Variants in TBL1XR1 observed in about 807,000 individuals in gnomAD.
The protein encoded by TBL1XR1 is TBL1X/Y related 1.
A neutral mutation model predicts 66.9 loss-of-function variants in TBL1XR1; 5 were observed. The observed-to-expected ratio is 0.07, with a 90% confidence interval of 0.04 to 0.16. The LOEUF (loss-of-function observed/expected upper bound fraction) is 0.16, where lower values mean the gene tolerates loss of function less well. TBL1XR1 is among the 10% of genes least tolerant of loss of function. The pLI is 1.00. For synonymous variants in TBL1XR1, 210 were observed against 206.0 expected, an observed-to-expected ratio of 1.02 and a Z score of -0.17; for missense variants, 238 against 623.2, an observed-to-expected ratio of 0.38 and a Z score of 6.58.
chr3:177,122,752 T>C (rs1727128984), intron 1 of TBL1XR1, among the ~76,000 whole-genome samples: 1 of 152,102 alleles, frequency 6.6e-6, no homozygotes, highest in African/African-American at 2.4e-5. Context: ...GCACAGAAGA[T>C]CACATAAGTG....
chr3:177,051,427 A>G, intron 5 of TBL1XR1, 77 bp downstream of exon 5: 3 of 1,348,786 alleles, frequency 2.2e-6, no homozygotes, highest in Non-Finnish European at 3.0e-6. Context: ...AAACCTGCAC[A>G]TGTACCCCGA....
intron 1 of TBL1XR1, among the ~76,000 whole-genome samples, chr3:177,158,129 T>G (rs1353665907): frequency 6.7e-6 from 1 of 149,810 alleles, no homozygotes; most frequent in East Asian, 1.9e-4. Flanking sequence ...ACTGGATAGT[T>G]TTTATAACAT....
At chr3:177,154,403 T>TC (rs2108864194) in intron 1 of TBL1XR1, among the ~76,000 whole-genome samples, 1 of 47,314 alleles carries the variant, frequency 2.1e-5, no homozygotes, top group Non-Finnish European at 7.9e-5. Flanking sequence ...TTGACAAACT[T>TC]TTTTTTTTTT....
chr3:177,041,747 T>C (rs1395641913), intron 10 of TBL1XR1, among the ~76,000 whole-genome samples: 1 of 152,172 alleles, frequency 6.6e-6, no homozygotes, highest in Non-Finnish European at 1.5e-5. Flanking sequence ...TATTGTAAGT[T>C]ATGTCCCGGG....
Position 177,186,752 on chromosome 3 carries a change from TA to T in TBL1XR1, c.-122+10368del, listed in dbSNP as rs534331660. Among the ~76,000 whole-genome samples the T allele has an allele frequency of 6.2e-4, 94 of 152,144 alleles. No individual in the cohort carries two copies. The South Asian group carries it at 0.01, about 17-fold the overall frequency. ...GTAGATTTTTAGTACTTAAATACTC[TA>T]AAAAAAATTTCCATATAGATCCCCG... On this transcript the variant is annotated intron_variant, in intron 1 of 15. Transcript: ENST00000457928.
chr3:177,152,593 C>T (rs561835440), intron 1 of TBL1XR1, among the ~76,000 whole-genome samples: 2 of 152,256 alleles, frequency 1.3e-5, no homozygotes, highest in African/African-American at 4.8e-5. Context: ...GCCCGGCCGC[C>T]CTACCCTTTT....
intron 1 of TBL1XR1, chr3:177,196,584 C>A (rs892263203): frequency 2.0e-5 from 3 of 149,834 alleles, no homozygotes; most frequent in African/African-American, 7.3e-5. Context: ...GGGGACGCGC[C>A]CGGGGAGGGG....
At chr3:177,101,464 A>C (rs1201294) in intron 1 of TBL1XR1, among the ~76,000 whole-genome samples, 1 of 152,022 alleles carries the variant, frequency 6.6e-6, no homozygotes, top group South Asian at 2.1e-4. Flanking sequence ...TATGTTGATG[A>C]CATTTGGAGG....
chr3:177,057,395 G>T (rs1355959470), intron 3 of TBL1XR1, among the ~76,000 whole-genome samples: 1 of 152,112 alleles, frequency 6.6e-6, no homozygotes, highest in Admixed American at 6.6e-5. Flanking sequence ...CCTGACAAAA[G>T]GGTTTAAGTC....
intron 1 of TBL1XR1, among the ~76,000 whole-genome samples, chr3:177,122,438 A>G (rs1727089988): frequency 6.6e-6 from 1 of 152,146 alleles, no homozygotes; most frequent in Admixed American, 6.6e-5. Context: ...AAAATTGCAA[A>G]GTAATGACCG....
chr3:177,196,711 G>A (rs1736903675), intron 1 of TBL1XR1, among the ~76,000 whole-genome samples: 2 of 146,072 alleles, frequency 1.4e-5, no homozygotes, highest in Non-Finnish European at 3.0e-5. Flanking sequence ...GATTCAATTT[G>A]CTGCAAATCC....
chr3:177,165,218 GT>G (rs1313743334), intron 1 of TBL1XR1, among the ~76,000 whole-genome samples: 1 of 152,150 alleles, frequency 6.6e-6, no homozygotes. Flanking sequence ...AGGATACAAG[GT>G]TAGTATACAA....
chr3:177,139,143 A>G (rs559403619), intron 1 of TBL1XR1, among the ~76,000 whole-genome samples: 1 of 152,226 alleles, frequency 6.6e-6, no homozygotes, highest in Non-Finnish European at 1.5e-5. Context: ...ATATCCTCAT[A>G]GGGACTCAAA....
Position 177,033,166 on chromosome 3 carries a change from A to G in TBL1XR1, c.1251-30T>C, listed in dbSNP as rs200972803. The G allele has an allele frequency of 2.7e-4, 403 of 1,494,354 alleles. 1 individual carries two copies. The Middle Eastern group carries it at 2.7e-3, about 10-fold the overall frequency. The allele number at this position is 1,494,354 out of a possible 1,614,324, so 92.6% of individuals were successfully genotyped here. On this transcript the variant is annotated intron_variant, in intron 13 of 15. Coordinates refer to ENST00000457928, the MANE Select transcript of TBL1XR1 (RefSeq NM_024665.7). ...AAAAGGAAGGAAAGAAAGTTAATTT[A>G]TAAGTAAGGAAATACTCCCCCAGCC...
At chr3:177,096,868 G>T (rs572762570) in intron 2 of TBL1XR1, among the ~76,000 whole-genome samples, 7 of 151,984 alleles carry the variant, frequency 4.6e-5, no homozygotes, top group African/African-American at 1.2e-4. Context: ...GCTTGGCTTG[G>T]GGGGTGGGGA....
At chr3:177,175,931 C>G (rs1355351931) in intron 1 of TBL1XR1, among the ~76,000 whole-genome samples, 1 of 151,456 alleles carries the variant, frequency 6.6e-6, no homozygotes, top group South Asian at 2.1e-4. Context: ...GTGGTGGGCG[C>G]CTGTAGTCCC....
chr3:177,201,272 G>T (rs962043216), upstream of TBL1XR1, among the ~76,000 whole-genome samples: 1 of 151,830 alleles, frequency 6.6e-6, no homozygotes, highest in South Asian at 2.1e-4. Flanking sequence ...TTAGCTGAGC[G>T]TGGTGGCACA....
intron 1 of TBL1XR1, among the ~76,000 whole-genome samples, chr3:177,110,529 C>T (rs953106974): frequency 1.3e-5 from 2 of 152,010 alleles, no homozygotes; most frequent in African/African-American, 4.8e-5. Context: ...GTTCACTATT[C>T]TTCAGCAGAA....
chr3:177,076,736 C>G (rs531164298), intron 2 of TBL1XR1, among the ~76,000 whole-genome samples: 38 of 152,246 alleles, frequency 2.5e-4, no homozygotes, highest in Middle Eastern at 3.4e-3. Context: ...CAAAACTAAC[C>G]CTAATAATGG....
Sources: allele counts gnomAD v4.1 joint callset (sites outside exome capture counted in the v4.1 genomes callset), GRCh38; gene constraint gnomAD v4.1.1; transcripts MANE v1.5; gene names NCBI Gene and HGNC (gene_info 2026-07-23, HGNC 2026-07-21).